The following FANCF variants were observed in gnomAD, a reference collection of about 807,000 sequenced individuals.
The protein encoded by FANCF is FA complementation group F, also known as Fanconi anemia group F protein.
For synonymous variants in FANCF, 257 were observed against 205.9 expected (o/e 1.25, Z -2.13); for missense variants, 552 against 481.8 (o/e 1.15, Z -1.36).
At position 22,623,961 on chromosome 11, in the gene FANCF, A is replaced by C. The variant is rs2133795382; in HGVS notation, c.*725T>G. 9.3e-6 allele frequency: 2 copies of C among 214,898 alleles called. No individual in the cohort carries two copies. The highest frequency in any genetic ancestry group is 1.4e-4 in the East Asian group (2 of 14,430). The allele number at this position is 214,898 out of a possible 1,614,324, so 13.3% of individuals were successfully genotyped here. On this transcript the variant is annotated 3_prime_UTR_variant, in exon 1 of 1. Coordinates refer to ENST00000327470, the MANE Select transcript of FANCF (RefSeq NM_022725.4). ...AGCAGTGATCACACCACTGCACTCC[A>C]GTCTGGGTGACAGAGCGAGACTCCA... is the stretch of plus-strand genomic sequence containing the variant.
In FANCF at chr11:22,624,679, G is replaced by C. The variant is rs770964562; in HGVS notation, c.*7C>G. ...TATTCTATATTCAAGTAATAACACA[G>C]CATTGCCTATACAGAACTGAGGCCT... On this transcript the variant is annotated 3_prime_UTR_variant, in exon 1 of 1. Coordinates refer to ENST00000327470, the MANE Select transcript of FANCF (RefSeq NM_022725.4). The C allele has an allele frequency of 2.8e-5, 45 of 1,612,462 alleles. No homozygotes were observed. Among genetic ancestry groups the C allele is most frequent in the Non-Finnish European group, 1.0e-5 (12 of 1,178,614 alleles).
rs1343705429 is a variant in FANCF, at chr11:22,625,661, C to A, written c.150G>T (p.Arg50=). 6.2e-7 allele frequency: 1 copy of A among 1,613,982 alleles called. No homozygotes were observed. The highest frequency in any genetic ancestry group is 2.2e-5 in the East Asian group (1 of 44,872). The change falls in exon 1 of 1, where the codon CGG becomes CGT. Residue 50 remains arginine (R), a synonymous_variant. Transcript: ENST00000327470. ...YLRHIHRRFG[R]HGPIRTALER... is the part of the protein sequence containing the mutation. The stretch of plus-strand genomic sequence containing the variant: ...CCAGAGCCGTGCGAATGGGGCCATG[C>A]CGACCAAAGCGCCGATGGATGTGGC...
Position 22,623,494 on chromosome 11 carries a change from C to T in FANCF, c.*1192G>A. 5.0e-6 allele frequency: 1 copy of T among 199,584 alleles called. No individual in the cohort carries two copies. Among genetic ancestry groups the T allele is most frequent in the Middle Eastern group, 1.7e-3 (1 of 602 alleles). The allele number at this position is 199,584 out of a possible 1,614,324, so 12.4% of individuals were successfully genotyped here. ...CAATCACTATCAGCTGTGGAACACCCAGGTAAACTAACACAACTAGGTTCC... is the reference window on the plus strand; with the variant it reads ...CAATCACTATCAGCTGTGGAACACCTAGGTAAACTAACACAACTAGGTTCC... On this transcript the variant is annotated 3_prime_UTR_variant, in exon 1 of 1. Coordinates refer to ENST00000327470, the MANE Select transcript of FANCF (RefSeq NM_022725.4).
rs772831530 is a variant in FANCF at position 22,625,251 on chromosome 11, C to G, written c.560G>C (p.Arg187Thr). The change falls in exon 1 of 1, where the codon AGG becomes ACG. Residue 187 changes from arginine (R) to threonine (T), a missense_variant. By Grantham distance (71) the Arg-to-Thr change is moderately conservative. Coordinates refer to ENST00000327470, the MANE Select transcript of FANCF (RefSeq NM_022725.4). Reference protein sequence around the residue: ...VGKAEAERPARFLSSLWERLP... With the variant: ...VGKAEAERPATFLSSLWERLP... ...GCGCTCCCACAGGCTGCTGAGAAAC[C>G]TGGCGGGACGCTCCGCTTCGGCCTT... 1 of 1,614,180 alleles carries G rather than the reference C, an allele frequency of 6.2e-7. No individual in the cohort carries two copies. Among genetic ancestry groups the G allele is most frequent in the Non-Finnish European group, 8.5e-7 (1 of 1,180,042 alleles).
At position 22,624,318 on chromosome 11, in the gene FANCF, C is replaced by T. The variant is rs1858605242; in HGVS notation, c.*368G>A. 3.0e-6 allele frequency: 1 copy of T among 338,566 alleles called. No homozygotes were observed. Among genetic ancestry groups the T allele is most frequent in the East Asian group, 4.6e-5 (1 of 21,540 alleles). 21.0% of individuals were successfully genotyped at this position (338,566 alleles called of 1,614,324 possible). Reference sequence around the variant, plus strand: ...AAACTCTTCACTACTGAGGGAGGGACAGAAAACCTAGAAAAATAAACCATA... The same window carrying T: ...AAACTCTTCACTACTGAGGGAGGGATAGAAAACCTAGAAAAATAAACCATA... On this transcript the variant is annotated 3_prime_UTR_variant, in exon 1 of 1. Transcript: ENST00000327470.
rs913710172 is a variant in FANCF at position 22,623,412 on chromosome 11, T to C, written c.*1274A>G. On this transcript the variant is annotated 3_prime_UTR_variant, in exon 1 of 1. Coordinates refer to ENST00000327470, the MANE Select transcript of FANCF (RefSeq NM_022725.4). ...ATATGGACAAAAATATCTTGATTGC[T>C]GTAAAGGTCTATCTCCCTAGTAAAA... 2.5e-5 allele frequency: 5 copies of C among 201,590 alleles called. No homozygotes were observed. Among genetic ancestry groups the C allele is most frequent in the African/African-American group, 4.6e-5 (2 of 43,522 alleles). 12.5% of individuals were successfully genotyped at this position (201,590 alleles called of 1,614,324 possible).
chr11:22,625,823 G>C lies in FANCF; in HGVS notation c.-13C>G. The C allele has an allele frequency of 6.2e-7, 1 of 1,613,794 alleles. No individual in the cohort carries two copies. On this transcript the variant is annotated 5_prime_UTR_variant, in exon 1 of 1. Coordinates refer to ENST00000327470, the MANE Select transcript of FANCF (RefSeq NM_022725.4). Reference sequence around the variant, plus strand: ...GAAGGGATTCCATGAGGTGCGCGAAGGCCCTACTTCCGCTTTCACCTTGGA... The same window carrying C: ...GAAGGGATTCCATGAGGTGCGCGAACGCCCTACTTCCGCTTTCACCTTGGA...
At position 22,624,000 on chromosome 11, in the gene FANCF, A is replaced by C. The variant is rs1314526823; in HGVS notation, c.*686T>G. On this transcript the variant is annotated 3_prime_UTR_variant, in exon 1 of 1. Coordinates refer to ENST00000327470, the MANE Select transcript of FANCF (RefSeq NM_022725.4). ...AGCGAGACTCCATCTCAAAAAAAAA[A>C]AAGTTTGATTCTTTTATCATCAAGC... 4.5e-6 allele frequency: 1 copy of C among 223,766 alleles called. No individual in the cohort carries two copies. Among genetic ancestry groups the C allele is most frequent in the Admixed American group, 5.7e-5 (1 of 17,452 alleles). 13.9% of individuals were successfully genotyped at this position (223,766 alleles called of 1,614,324 possible). A position where few individuals can be genotyped will look rare whatever the true frequency, so the allele number is the denominator to read the frequency against.
Position 22,625,811 on chromosome 11 carries a change from G to A in FANCF, c.-1C>T, listed in dbSNP as rs771826276. On this transcript the variant is annotated 5_prime_UTR_variant, in exon 1 of 1. Transcript: ENST00000327470. ...CCAGGTGCTGCAGAAGGGATTCCAT[G>A]AGGTGCGCGAAGGCCCTACTTCCGC... The A allele has an allele frequency of 6.2e-7, 1 of 1,614,018 alleles. No individual in the cohort carries two copies. Among genetic ancestry groups the A allele is most frequent in the South Asian group, 1.1e-5 (1 of 91,072 alleles).
rs779948183 is a variant in FANCF at position 22,625,157 on chromosome 11, G to C, written c.654C>G (p.Pro218=). ...ALLQPPLSRR[P]QEELEPGIHK... ...GGATGCCGGGTTCCAACTCTTCTTG[G>C]GGCCGACGAGACAAAGGCGGCTGCA... Residue 218 remains proline, a synonymous_variant, in exon 1 of 1, where the codon CCC becomes CCG. Coordinates refer to ENST00000327470, the MANE Select transcript of FANCF (RefSeq NM_022725.4). The C allele has an allele frequency of 9.3e-6, 15 of 1,608,424 alleles. No homozygotes were observed. Among genetic ancestry groups the C allele is most frequent in the Non-Finnish European group, 1.3e-5 (15 of 1,176,758 alleles).
rs1453361073 is a variant in FANCF at position 22,625,332 on chromosome 11, T to A, written c.479A>T (p.Asp160Val). 1 of 1,614,030 alleles carries A rather than the reference T, an allele frequency of 6.2e-7. No individual in the cohort carries two copies. The highest frequency in any genetic ancestry group is 8.5e-7 in the Non-Finnish European group (1 of 1,180,006). ...GYRENPNLQE[D>V]SLMKTQAELL... ...CTCCGCCTGGGTCTTCATCAGAGAGTCCTCCTGGAGATTTGGGTTCTCTCT... is the reference window on the plus strand; with the variant it reads ...CTCCGCCTGGGTCTTCATCAGAGAGACCTCCTGGAGATTTGGGTTCTCTCT... Residue 160 changes from aspartate to valine, a missense_variant, in exon 1 of 1, where the codon GAC (aspartate) becomes GTC (valine). By Grantham distance (152) the Asp-to-Val change is radical (BLOSUM62 -3). Coordinates refer to ENST00000327470, the MANE Select transcript of FANCF (RefSeq NM_022725.4).
chr11:22,623,567 A>T lies in FANCF; in HGVS notation c.*1119T>A, dbSNP rs558392453. The T allele has an allele frequency of 6.1e-5, 12 of 195,270 alleles. No homozygotes were observed. The highest frequency in any genetic ancestry group is 5.8e-4 in the South Asian group (3 of 5,212). The allele number at this position is 195,270 out of a possible 1,614,324, so 12.1% of individuals were successfully genotyped here. The stretch of plus-strand genomic sequence containing the variant: ...AACTGTTTCCACAGGGCAGCCACCA[A>T]GGGAAAAATAAGGAAATTTAACTAT... On this transcript the variant is annotated 3_prime_UTR_variant, in exon 1 of 1. Coordinates refer to ENST00000327470, the MANE Select transcript of FANCF (RefSeq NM_022725.4).
rs1858610637 is a variant in FANCF at position 22,624,590 on chromosome 11, T to C, written c.*96A>G. The C allele has an allele frequency of 7.6e-6, 8 of 1,055,266 alleles. No homozygotes were observed. Among genetic ancestry groups the C allele is most frequent in the Non-Finnish European group, 7.2e-6 (5 of 692,236 alleles). 65.4% of individuals were successfully genotyped at this position (1,055,266 alleles called of 1,614,324 possible). On this transcript the variant is annotated 3_prime_UTR_variant, in exon 1 of 1. Transcript: ENST00000327470. The stretch of plus-strand genomic sequence containing the variant: ...TCAAAATTAGCATCTAAAATAATTA[T>C]ACTTTGGACACACGAAGGCATATAT...
Position 22,623,071 on chromosome 11 carries a change from GA to G in FANCF, c.*1614del, listed in dbSNP as rs1858581085. Reference sequence around the variant, plus strand: ...AAAAAATTCACGCAACTGACAGGAGGAATTGTCTTTATTCTTGCATTAATGA... The same window carrying G: ...AAAAAATTCACGCAACTGACAGGAGGATTGTCTTTATTCTTGCATTAATGA... On this transcript the variant is annotated 3_prime_UTR_variant, in exon 1 of 1. Coordinates refer to ENST00000327470, the MANE Select transcript of FANCF (RefSeq NM_022725.4). The G allele has an allele frequency of 4.8e-6, 1 of 207,506 alleles. No individual in the cohort carries two copies. Among genetic ancestry groups the G allele is most frequent in the South Asian group, 1.9e-4 (1 of 5,328 alleles). The allele number at this position is 207,506 out of a possible 1,614,324, so 12.9% of individuals were successfully genotyped here.
chr11:22,625,525 G>T lies in FANCF; in HGVS notation c.286C>A (p.Arg96Ser), dbSNP rs750121502. Residue 96 changes from arginine to serine, a missense_variant, in exon 1 of 1, where the codon CGC becomes AGC. Arg to Ser is a moderately radical substitution (Grantham distance 110). Coordinates refer to ENST00000327470, the MANE Select transcript of FANCF (RefSeq NM_022725.4). ...LGHCDVLLSL[R>S]LLENRALGDA... ...CCGAGGGCCCGGTTCTCCAGCAGGC[G>T]CAGAGAGAGCAGGACGTCACAGTGA... 2.5e-6 allele frequency: 4 copies of T among 1,614,066 alleles called. No individual in the cohort carries two copies. In the Admixed American group the frequency reaches 5.0e-5, roughly 20 times the overall value.
At position 22,624,011 on chromosome 11, in the gene FANCF, CT is replaced by C. The variant is rs374267076; in HGVS notation, c.*674del. 7.4e-4 allele frequency: 167 copies of C among 224,286 alleles called. No individual in the cohort carries two copies. Among genetic ancestry groups the C allele is most frequent in the African/African-American group, 3.5e-3 (158 of 44,890 alleles). 13.9% of individuals were successfully genotyped at this position (224,286 alleles called of 1,614,324 possible). A position where few individuals can be genotyped will look rare whatever the true frequency, so the allele number is the denominator to read the frequency against. ...ATCTCAAAAAAAAAAAAGTTTGATT[CT>C]TTTATCATCAAGCATTAATTTAATA... On this transcript the variant is annotated 3_prime_UTR_variant, in exon 1 of 1. Coordinates refer to ENST00000327470, the MANE Select transcript of FANCF (RefSeq NM_022725.4).
Position 22,624,807 on chromosome 11 carries a change from T to G in FANCF, c.1004A>C (p.Gln335Pro). The change falls in exon 1 of 1, where the codon CAG becomes CCG. Residue 335 changes from glutamine (Q) to proline (P), a missense_variant. By Grantham distance (76) the Gln-to-Pro change is moderately conservative. Transcript: ENST00000327470. ...ACCAGGTACTTCAAAATCTCCATCC[T>G]GCGCTTTACAGGTCTCCAGGGCAGT... ...VLTALETCKAQDGDFEVPGLS... is the reference protein window; with the variant it reads ...VLTALETCKAPDGDFEVPGLS... The G allele has an allele frequency of 6.2e-7, 1 of 1,614,214 alleles. No homozygotes were observed. Among genetic ancestry groups the G allele is most frequent in the African/African-American group, 1.3e-5 (1 of 75,056 alleles).
Position 22,623,696 on chromosome 11 carries a change from A to G in FANCF, c.*990T>C, listed in dbSNP as rs1299219463. 5.4e-6 allele frequency: 1 copy of G among 185,292 alleles called. No homozygotes were observed. Among genetic ancestry groups the G allele is most frequent in the Non-Finnish European group, 1.1e-5 (1 of 87,474 alleles). 11.5% of individuals were successfully genotyped at this position (185,292 alleles called of 1,614,324 possible). On this transcript the variant is annotated 3_prime_UTR_variant, in exon 1 of 1. Coordinates refer to ENST00000327470, the MANE Select transcript of FANCF (RefSeq NM_022725.4). ...AGCTGCACTAAAACCTGGATCTTCT[A>G]CTTAAAATGTTGTTTTGGCCAGGCG...
Position 22,625,350 on chromosome 11 carries a change from TTC to T in FANCF, c.459_460del (p.Asn154ProfsTer111). The T allele has an allele frequency of 6.2e-7, 1 of 1,614,180 alleles. No individual in the cohort carries two copies. The highest frequency in any genetic ancestry group is 1.3e-5 in the African/African-American group (1 of 75,062). ...CAGAGAGTCCTCCTGGAGATTTGGGTTCTCTCTATAGCCATTGAAGCGCAGCA... is the reference window on the plus strand; with the variant it reads ...CAGAGAGTCCTCCTGGAGATTTGGGTTCTCTATAGCCATTGAAGCGCAGCA... On this transcript the variant is annotated frameshift_variant, in exon 1 of 1. Transcript: ENST00000327470. LOFTEE classifies it low-confidence loss of function (END_TRUNC).
Sources: allele counts gnomAD v4.1 joint callset, GRCh38; gene constraint gnomAD v4.1.1; transcripts MANE v1.5; gene names NCBI Gene and HGNC (gene_info 2026-07-23, HGNC 2026-07-21).